The following CLSPN variants were observed in gnomAD, a reference collection of about 807,000 sequenced individuals.
The protein encoded by CLSPN is claspin.
Under a neutral mutation model 156.3 loss-of-function variants are expected in CLSPN, and 85 were observed. The ratio of observed to expected loss-of-function variants is 0.54; its 90% confidence interval spans 0.46 to 0.65. The LOEUF is 0.65. Ranked by LOEUF, CLSPN falls within the 30% of genes least tolerant of loss-of-function variation. CLSPN has a pLI of 0.00. For missense variants in CLSPN, 1,407 were observed against 1,554.9 expected, an observed-to-expected ratio of 0.90 and a Z score of 1.60; for synonymous variants, 534 against 542.4, an observed-to-expected ratio of 0.98 and a Z score of 0.22.
intron 24 of CLSPN, among the ~76,000 whole-genome samples, chr1:35,725,908 C>T (rs978772935): frequency 6.6e-6 from 1 of 152,074 alleles, no homozygotes; most frequent in Non-Finnish European, 1.5e-5. Flanking sequence ...AAATCGCCCT[C>T]AGCCTCAGCT....
In CLSPN at chr1:35,736,250, A is replaced by C; in HGVS notation, c.*246T>G. 2.7e-6 allele frequency: 3 copies of C among 1,120,192 alleles called. No homozygotes were observed. The highest frequency in any genetic ancestry group is 3.3e-6 in the Non-Finnish European group (3 of 918,210). 69.4% of individuals were successfully genotyped at this position (1,120,192 alleles called of 1,614,324 possible). ...AAAAAAAAAAAGGAAACCTCACCCA[A>C]GTATTCCATGAGTTGTTGATGTTGT... On this transcript the variant is annotated 3_prime_UTR_variant, in exon 25 of 25. Transcript: ENST00000318121.
intron 24 of CLSPN, among the ~76,000 whole-genome samples, chr1:35,722,555 C>G (rs965745061): frequency 1.3e-5 from 2 of 151,840 alleles, no homozygotes; most frequent in Non-Finnish European, 2.9e-5. Context: ...TGGCCTAAAG[C>G]TAGTTATTCC....
Position 35,747,907 on chromosome 1 carries a change from C to T in CLSPN, c.2627G>A (p.Gly876Glu), listed in dbSNP as rs1160759832. The change falls in exon 14 of 25, where the codon GGG (glycine) becomes GAG (glutamate). Residue 876 changes from glycine to glutamate, a missense_variant and splice_region_variant. Gly to Glu is a moderately conservative substitution (Grantham distance 98). Coordinates refer to ENST00000318121, the MANE Select transcript of CLSPN (RefSeq NM_022111.4). Reference protein sequence around the residue: ...DTQSQLLDADGFLNVRNHRNQ... With the variant: ...DTQSQLLDADEFLNVRNHRNQ... ...CCCACAGAAACACAAAACTACCTAC[C>T]CATCTGCATCCAACAGTTGGCTCTG... 2 of 1,611,964 alleles carry T rather than the reference C, an allele frequency of 1.2e-6. No individual in the cohort carries two copies. Among genetic ancestry groups the T allele is most frequent in the Admixed American group, 1.7e-5 (1 of 59,378 alleles).
At chr1:35,768,635 C>G (rs1338010453) in intron 1 of CLSPN, among the ~76,000 whole-genome samples, 1 of 150,208 alleles carries the variant, frequency 6.7e-6, no homozygotes, top group Non-Finnish European at 1.5e-5. Flanking sequence ...AGGCTGGTTT[C>G]GAACTCTTGA....
intron 9 of CLSPN, 46 bp downstream of exon 9, chr1:35,753,699 G>T: frequency 6.4e-7 from 1 of 1,553,652 alleles, no homozygotes; most frequent in South Asian, 1.1e-5. Context: ...AGATCTGTTA[G>T]AATACAAAGC....
exon 25 of CLSPN, chr1:35,720,885 C>T: frequency 1.2e-6 from 2 of 1,607,042 alleles, no homozygotes; most frequent in Non-Finnish European, 1.7e-6. Context: ...CTCTGTCTCT[C>T]CCAGCTTAAC....
At chr1:35,721,753 T>C (rs945933749) in intron 24 of CLSPN, among the ~76,000 whole-genome samples, 1 of 152,014 alleles carries the variant, frequency 6.6e-6, no homozygotes, top group Non-Finnish European at 1.5e-5. Flanking sequence ...TCTTAGTCCT[T>C]AGGTAAATCA....
rs1019215773 is a variant in CLSPN at position 35,735,923 on chromosome 1, T to C, written c.*573A>G. On this transcript the variant is annotated 3_prime_UTR_variant, in exon 25 of 25. Coordinates refer to ENST00000318121, the MANE Select transcript of CLSPN (RefSeq NM_022111.4). ...AATGTCAAATGTCTAATGGAGGAAG[T>C]GAAACCTAACCCAAGGCCAGGTGCA... The C allele has an allele frequency of 1.0e-6, 1 of 985,162 alleles. No individual in the cohort carries two copies. The highest frequency in any genetic ancestry group is 1.2e-6 in the Non-Finnish European group (1 of 829,866). The allele number at this position is 985,162 out of a possible 1,614,324, so 61.0% of individuals were successfully genotyped here.
chr1:35,769,485 G>A (rs1642788620), intron 1 of CLSPN, among the ~76,000 whole-genome samples: 1 of 152,234 alleles, frequency 6.6e-6, no homozygotes, highest in South Asian at 2.1e-4. Flanking sequence ...TTCGGCTAGA[G>A]CCTCCCGGCT....
intron 3 of CLSPN, 72 bp downstream of exon 3, chr1:35,764,194 C>A: frequency 5.5e-6 from 5 of 909,442 alleles, no homozygotes; most frequent in Non-Finnish European, 3.3e-6. Context: ...GAAACAACCT[C>A]AAGTACTAAC....
At chr1:35,720,987 C>A in intron 24 of CLSPN, 1 of 1,597,458 alleles carries the variant, frequency 6.3e-7, no homozygotes, top group Non-Finnish European at 8.6e-7. Flanking sequence ...TCTTCTGAAA[C>A]GAAATTAAAG....
intron 18 of CLSPN, among the ~76,000 whole-genome samples, chr1:35,742,075 A>G (rs1183460448): frequency 1.3e-5 from 2 of 150,998 alleles, no homozygotes; most frequent in African/African-American, 2.4e-5. Flanking sequence ...TGAGGCCAAC[A>G]GTTTAAGACC....
chr1:35,728,107 G>GCAGTCT (rs1301301790), downstream of CLSPN, among the ~76,000 whole-genome samples: 1 of 129,562 alleles, frequency 7.7e-6, no homozygotes, highest in Non-Finnish European at 1.6e-5. Flanking sequence ...TTCTTTTGAG[G>GCAGTCT]CAGTCTCACT....
chr1:35,748,797 G>T, intron 12 of CLSPN, 193 bp from the exon 13 acceptor site: 3 of 525,940 alleles, frequency 5.7e-6, no homozygotes, highest in East Asian at 3.2e-5. Context: ...TTATTACTCT[G>T]AGCTAAGTGA....
chr1:35,750,085 GTTAA>G (rs1026536674), intron 10 of CLSPN, among the ~76,000 whole-genome samples: 3 of 152,084 alleles, frequency 2.0e-5, no homozygotes, highest in African/African-American at 7.2e-5. Flanking sequence ...GCAGTAAGAG[GTTAA>G]TTAATCAGTC....
rs767602385 is a variant in CLSPN at position 35,741,973 on chromosome 1, CAAAAAAAAAAA to C, written c.3143+1157_3143+1167del. The stretch of plus-strand genomic sequence containing the variant: ...TGGGCGACAGAGCGAGACTCCGTCT[CAAAAAAAAAAA>C]AAAAAAAAAAAAAAAAAGCTGGGCC... On this transcript the variant is annotated intron_variant, in intron 18 of 24. Transcript: ENST00000318121. Among the ~76,000 whole-genome samples the C allele has an allele frequency of 1.6e-4, 9 of 55,676 alleles. No homozygotes were observed. In the East Asian group the frequency reaches 4.9e-3, roughly 30 times the overall value. The allele number at this position is 55,676 out of a possible 152,430, so 36.5% of individuals were successfully genotyped here. A position where few individuals can be genotyped will look rare whatever the true frequency, so the allele number is the denominator to read the frequency against.
chr1:35,759,760 AAAT>A (rs1642407276), intron 8 of CLSPN, among the ~76,000 whole-genome samples: 1 of 152,144 alleles, frequency 6.6e-6, no homozygotes, highest in Non-Finnish European at 1.5e-5. Context: ...GGAAAGGCAG[AAAT>A]AATAAATTCC....
At chr1:35,726,174 A>AAAAAAAAAAAAC (rs1449196976) in intron 24 of CLSPN, among the ~76,000 whole-genome samples, 7 of 150,852 alleles carry the variant, frequency 4.6e-5, no homozygotes, top group Non-Finnish European at 7.4e-5. Context: ...AAAAAAAAAA[A>AAAAAAAAAAAAC]AGCGCATAGC....
At chr1:35,756,774 T>C (rs1264897069) in intron 8 of CLSPN, among the ~76,000 whole-genome samples, 1 of 152,244 alleles carries the variant, frequency 6.6e-6, no homozygotes, top group Non-Finnish European at 1.5e-5. Context: ...TTATTCTATA[T>C]GAGGTAAAGA....
Sources: gnomAD v4.1 joint callset for allele counts (sites outside exome capture counted in the v4.1 genomes callset) on GRCh38, gnomAD v4.1.1 for gene constraint, MANE v1.5 for transcripts, NCBI Gene and HGNC (gene_info 2026-07-23, HGNC 2026-07-21) for gene names.